Variants in PLEKHH2 observed in about 807,000 individuals in gnomAD.
PLEKHH2 encodes pleckstrin homology, MyTH4 and FERM domain containing H2, also known as pleckstrin homology domain-containing family H member 2.
A neutral mutation model predicts 187.9 loss-of-function variants in PLEKHH2; 129 were observed. The observed-to-expected ratio is 0.69, with a 90% CI of 0.59 to 0.79. The LOEUF (loss-of-function observed/expected upper bound fraction) is 0.79. Ranked by LOEUF, PLEKHH2 falls within the 30% of genes least tolerant of loss-of-function variation. The pLI, the probability that PLEKHH2 is intolerant of heterozygous loss-of-function variation, is 0.00. For synonymous variants in PLEKHH2, 686 were observed against 605.6 expected (o/e 1.13, Z -1.95); for missense variants, 2,076 against 1,751.2 (o/e 1.19, Z -3.31).
At chr2:43,658,793 CA>C (rs1263666139) in intron 2 of PLEKHH2, 2 of 152,130 alleles carry the variant, frequency 1.3e-5, no homozygotes, top group African/African-American at 4.8e-5. Context: ...ATCATTTCCA[CA>C]ATATCCTGTT....
chr2:43,678,077 G>A (rs1369289241), intron 2 of PLEKHH2, among the ~76,000 whole-genome samples: 19 of 151,368 alleles, frequency 1.3e-4, no homozygotes, highest in South Asian at 8.3e-4. Flanking sequence ...AGACGGGGTC[G>A]CGGCCGGGCA....
intron 26 of PLEKHH2, among the ~76,000 whole-genome samples, chr2:43,758,084 G>C (rs554850191): frequency 6.6e-6 from 1 of 152,306 alleles, no homozygotes; most frequent in South Asian, 2.1e-4. Flanking sequence ...TTTATCGTGA[G>C]CTTTTCCAAA....
intron 3 of PLEKHH2, 86 bp from the exon 4 acceptor site, chr2:43,692,428 A>G: frequency 9.1e-7 from 1 of 1,095,306 alleles, no homozygotes; most frequent in Non-Finnish European, 1.3e-6. Context: ...TTAGGAATCT[A>G]CATAATATTA....
At position 43,712,213 on chromosome 2, in the gene PLEKHH2, G is replaced by C; in HGVS notation, c.2302-12G>C. The C allele has an allele frequency of 6.2e-7, 1 of 1,610,022 alleles. No homozygotes were observed. Among genetic ancestry groups the C allele is most frequent in the Middle Eastern group, 1.7e-4 (1 of 6,050 alleles). On this transcript the variant is annotated splice_polypyrimidine_tract_variant and intron_variant, in intron 14 of 29. Coordinates refer to ENST00000282406, the MANE Select transcript of PLEKHH2 (RefSeq NM_172069.4). Reference sequence around the variant, plus strand: ...CAGTTTTCTTTCCTATACCTTTCTCGTTGCATTCTAGTTGACCACTGAAAA... The same window carrying C: ...CAGTTTTCTTTCCTATACCTTTCTCCTTGCATTCTAGTTGACCACTGAAAA...
Position 43,681,553 on chromosome 2 carries a change from C to T in PLEKHH2, c.186+2628C>T, listed in dbSNP as rs575002428. ...TGCTTTGCGTATGCAGAAAGACTCA[C>T]TTCTGTGGGCCCGCACCTTCGGCAC... On this transcript the variant is annotated intron_variant, in intron 3 of 29. Transcript: ENST00000282406. The T allele has an allele frequency of 2.4e-6, 3 of 1,248,548 alleles. No homozygotes were observed. In the African/African-American group the frequency reaches 4.4e-5, roughly 19 times the overall value. The allele number at this position is 1,248,548 out of a possible 1,614,324, so 77.3% of individuals were successfully genotyped here. A position where few individuals can be genotyped will look rare whatever the true frequency, so the allele number is the denominator to read the frequency against.
intron 26 of PLEKHH2, among the ~76,000 whole-genome samples, chr2:43,757,987 G>C (rs1672283576): frequency 6.6e-6 from 1 of 152,032 alleles, no homozygotes; most frequent in Non-Finnish European, 1.5e-5. Context: ...TAATATAAAA[G>C]TTTCTAATTT....
intron 1 of PLEKHH2, among the ~76,000 whole-genome samples, chr2:43,639,650 C>G (rs983692537): frequency 1.0e-5 from 1 of 99,250 alleles, no homozygotes; most frequent in East Asian, 2.8e-4. Context: ...GGATGTACCA[C>G]TTTTTTTTTT....
intron 3 of PLEKHH2, chr2:43,681,001 T>C (rs1374520981): frequency 1.3e-5 from 16 of 1,237,004 alleles, no homozygotes; most frequent in South Asian, 1.6e-5. Context: ...ATATGCCAAC[T>C]GGAAAAGTCA....
intron 3 of PLEKHH2, among the ~76,000 whole-genome samples, chr2:43,689,873 T>C (rs1239934588): frequency 6.6e-6 from 1 of 152,224 alleles, no homozygotes; most frequent in Non-Finnish European, 1.5e-5. Context: ...TTCCAAACCA[T>C]AGTTTTTCAG....
intron 2 of PLEKHH2, among the ~76,000 whole-genome samples, chr2:43,660,462 A>G (rs1482804235): frequency 7.5e-6 from 1 of 133,122 alleles, no homozygotes; most frequent in East Asian, 2.1e-4. Flanking sequence ...TTTGCCAATT[A>G]AGGAATTTAT....
chr2:43,720,901 C>A (rs536610454), intron 16 of PLEKHH2, 152 bp downstream of exon 16: 1 of 1,228,600 alleles, frequency 8.1e-7, no homozygotes, highest in Non-Finnish European at 1.1e-6. Flanking sequence ...GAAAATCACA[C>A]AAAGGTCTAT....
intron 3 of PLEKHH2, among the ~76,000 whole-genome samples, chr2:43,690,636 G>C (rs1668745961): frequency 6.6e-6 from 1 of 152,034 alleles, no homozygotes; most frequent in Non-Finnish European, 1.5e-5. Context: ...TTTCTCAAAT[G>C]CTTTCACATT....
rs539460615 is a variant in PLEKHH2, at chr2:43,698,391, A to T, written c.688+1035A>T. 2.6e-5 allele frequency among the ~76,000 whole-genome samples: 4 copies of T among 151,868 alleles called. No individual in the cohort carries two copies. The South Asian group carries it at 8.3e-4, about 32-fold the overall frequency. On this transcript the variant is annotated intron_variant, in intron 7 of 29. Transcript: ENST00000282406. ...GCATCCCTAGTAGCCAGGACTATAG[A>T]CACATGCCACCATGCCTAGTTAATT...
chr2:43,751,495 G>A (rs1672008106), intron 24 of PLEKHH2, among the ~76,000 whole-genome samples: 2 of 152,272 alleles, frequency 1.3e-5, no homozygotes, highest in East Asian at 1.9e-4. Context: ...CAAAAGGATC[G>A]CCCAGTGGTG....
chr2:43,666,670 A>G (rs979717995), intron 2 of PLEKHH2, among the ~76,000 whole-genome samples: 7 of 152,170 alleles, frequency 4.6e-5, no homozygotes, highest in African/African-American at 1.7e-4. Context: ...GTTGTATTTC[A>G]TTTTAGTTCT....
At chr2:43,736,480 T>A (rs1671299893) in intron 19 of PLEKHH2, among the ~76,000 whole-genome samples, 1 of 152,124 alleles carries the variant, frequency 6.6e-6, no homozygotes, top group Non-Finnish European at 1.5e-5. Context: ...AAATAGAGCC[T>A]GGCAGTCTTC....
chr2:43,693,723 C>CAAAAAAAGAAA (rs1668948693), intron 4 of PLEKHH2, among the ~76,000 whole-genome samples: 1 of 69,708 alleles, frequency 1.4e-5, no homozygotes, highest in Non-Finnish European at 2.5e-5. Context: ...GACTCCATCT[C>CAAAAAAAGAAA]AAAAAAAAAA....
In PLEKHH2 at chr2:43,762,311, C is replaced by T. The variant is rs1432450326; in HGVS notation, c.4079C>T (p.Thr1360Ile). The change falls in exon 28 of 30, where the codon ACT becomes ATT. Residue 1360 changes from threonine (T) to isoleucine (I), a missense_variant. Physicochemically the swap from Thr to Ile is moderately conservative, Grantham distance 89. Coordinates refer to ENST00000282406, the MANE Select transcript of PLEKHH2 (RefSeq NM_172069.4). ...ATTTTCACCTCTTCATAGCCCATAACTCCATCATCACTTGGAAGTACTTTC... is the reference window on the plus strand; with the variant it reads ...ATTTTCACCTCTTCATAGCCCATAATTCCATCATCACTTGGAAGTACTTTC... ...GAKLFLAKPI[T>I]PSSLGSTFLW... The T allele has an allele frequency of 1.2e-6, 2 of 1,610,262 alleles. No individual in the cohort carries two copies. Among genetic ancestry groups the T allele is most frequent in the African/African-American group, 2.7e-5 (2 of 74,814 alleles).
At chr2:43,754,255 A>G (rs1281225383) in intron 25 of PLEKHH2, among the ~76,000 whole-genome samples, 1 of 152,022 alleles carries the variant, frequency 6.6e-6, no homozygotes, top group Non-Finnish European at 1.5e-5. Flanking sequence ...GCGCTCACAT[A>G]GAGAGCGAGG....
Sources: gnomAD v4.1 joint callset for allele counts (sites outside exome capture counted in the v4.1 genomes callset) on GRCh38, gnomAD v4.1.1 for gene constraint, MANE v1.5 for transcripts, NCBI Gene and HGNC (gene_info 2026-07-23, HGNC 2026-07-21) for gene names.